Variants in ACAN observed in about 807,000 individuals in gnomAD.
ACAN encodes aggrecan core protein.
Under a neutral mutation model 169.1 loss-of-function variants are expected in ACAN, and 47 were observed. The ratio of observed to expected loss-of-function variants is 0.28; its 90% CI spans 0.22 to 0.35. The LOEUF is 0.35. Ranked by LOEUF, ACAN falls within the 10% of genes least tolerant of loss-of-function variation. The pLI, the probability that ACAN is intolerant of heterozygous loss-of-function variation, is 1.00. For synonymous variants in ACAN, 1,115 were observed against 1,112.2 expected (o/e 1.00, Z -0.05); for missense variants, 2,716 against 2,759.9 (o/e 0.98, Z 0.36).
intron 1 of ACAN, among the ~76,000 whole-genome samples, chr15:88,830,023 G>A (rs1896320300): frequency 6.6e-6 from 1 of 150,462 alleles, no homozygotes; most frequent in African/African-American, 2.4e-5. Flanking sequence ...GCCTGGTGAG[G>A]TTTCAGGGAG....
intron 1 of ACAN, among the ~76,000 whole-genome samples, chr15:88,815,980 T>G (rs567142957): frequency 6.6e-6 from 1 of 152,338 alleles, no homozygotes; most frequent in South Asian, 2.1e-4. Context: ...AAATCCTTCC[T>G]TGCCCCTTCC....
In ACAN at chr15:88,851,367, G is replaced by GGTGGTCGCC; in HGVS notation, c.2027-425_2027-424insGGTCGCCGT. On this transcript the variant is annotated intron_variant, in intron 10 of 18. Transcript: ENST00000560601. This position sits in a 1 kb window ranked among gnomAD's most constrained non-coding sequence, Gnocchi z 4.3. ...TTCAGTAGTTGAGAGCGTGGAGTCT[G>GGTGGTCGCC]GTACCAGATGCTTAAATTCAAAGAC... The GGTGGTCGCC allele has an allele frequency of 6.2e-6, 1 of 161,744 alleles. No individual in the cohort carries two copies. The allele number at this position is 161,744 out of a possible 1,614,324, so 10.0% of individuals were successfully genotyped here.
intron 1 of ACAN, among the ~76,000 whole-genome samples, chr15:88,817,715 A>G (rs913989997): frequency 4.6e-5 from 7 of 151,960 alleles, no homozygotes; most frequent in African/African-American, 1.7e-4. Context: ...TTAGCCAGGC[A>G]TAGTGGTGCA....
chr15:88,857,026 G>C lies in ACAN; in HGVS notation c.4441G>C (p.Val1481Leu), dbSNP rs1454267021. The change falls in exon 12 of 19, where the codon GTC becomes CTC. Residue 1481 changes from valine (V) to leucine (L), a missense_variant. Around this residue, in one of 3 missense-constraint regions of ACAN, gnomAD observed 1,389 missense variants for 1,363.7 expected, o/e 1.02. Transcript: ENST00000560601. ...TGGAGGAGAAGTTCTAGAGATTTCT[G>C]TCTCTGGAGTAGAGGACATCAGTGG... Reference protein sequence around the residue: ...PSGGEVLEISVSGVEDISGLP... With the variant: ...PSGGEVLEISLSGVEDISGLP... 6.2e-7 allele frequency: 1 copy of C among 1,613,446 alleles called. No individual in the cohort carries two copies. The highest frequency in any genetic ancestry group is 8.5e-7 in the Non-Finnish European group (1 of 1,179,528).
chr15:88,857,857 C>T lies in ACAN; in HGVS notation c.5272C>T (p.Leu1758=). 1 of 1,613,800 alleles carries T rather than the reference C, an allele frequency of 6.2e-7. No homozygotes were observed. The highest frequency in any genetic ancestry group is 8.5e-7 in the Non-Finnish European group (1 of 1,179,820). Reference sequence around the variant, plus strand: ...ATCTGGAGTGACTGAGCTTAGCGGGCTGTCCTCTGGACAACCAGGTATTAG... The same window carrying T: ...ATCTGGAGTGACTGAGCTTAGCGGGTTGTCCTCTGGACAACCAGGTATTAG... ...ETSGVTELSG[L]SSGQPGISGE... Residue 1758 remains leucine, a synonymous_variant, in exon 12 of 19, where the codon CTG becomes TTG. Transcript: ENST00000560601.
At chr15:88,825,590 G>A (rs17199220) in intron 1 of ACAN, among the ~76,000 whole-genome samples, 43,463 of 152,018 alleles carry the variant, frequency 0.29, 6,683 homozygotes, top group Non-Finnish European at 0.35. Context: ...ATAGAGACTG[G>A]GTCCAAAGTG....
intron 4 of ACAN, among the ~76,000 whole-genome samples, chr15:88,840,892 C>T (rs1394724759): frequency 6.6e-6 from 1 of 152,174 alleles, no homozygotes; most frequent in Non-Finnish European, 1.5e-5. Context: ...TGCCTGTAAT[C>T]CCAGCACTTT....
rs755969485 is a variant in ACAN at position 88,858,330 on chromosome 15, C to T, written c.5745C>T (p.Ser1915=). ...AATCCTCCAGAGCTGAGATTGGGAGCAGCCTGCCCTCGGGAGCATATTATG... is the reference window on the plus strand; with the variant it reads ...AATCCTCCAGAGCTGAGATTGGGAGTAGCCTGCCCTCGGGAGCATATTATG... The part of the protein sequence containing the change: ...SGESSRAEIG[S]SLPSGAYYGS... Residue 1915 remains serine, a synonymous_variant, in exon 12 of 19, where the codon AGC becomes AGT. Coordinates refer to ENST00000560601, the MANE Select transcript of ACAN (RefSeq NM_001369268.1). This position sits in a 1 kb window ranked among gnomAD's most constrained non-coding sequence, Gnocchi z 4.0. 1.9e-5 allele frequency: 30 copies of T among 1,613,840 alleles called. No individual in the cohort carries two copies. The highest frequency in any genetic ancestry group is 4.2e-6 in the Non-Finnish European group (5 of 1,179,906).
Position 88,859,295 on chromosome 15 carries a change from A to G in ACAN, c.6710A>G (p.Glu2237Gly), listed in dbSNP as rs1279121848. The G allele has an allele frequency of 6.2e-7, 1 of 1,613,220 alleles. No individual in the cohort carries two copies. The highest frequency in any genetic ancestry group is 1.3e-5 in the African/African-American group (1 of 75,024). Residue 2237 changes from glutamate to glycine, a missense_variant, in exon 12 of 19, where the codon GAG (glutamate) becomes GGG (glycine). Coordinates refer to ENST00000560601, the MANE Select transcript of ACAN (RefSeq NM_001369268.1). ...QRPAETHLEIESSSLLYSGEE... is the reference protein window; with the variant it reads ...QRPAETHLEIGSSSLLYSGEE... ...CCTGCAGAGACGCATCTAGAAATTG[A>G]GTCCTCAAGCCTCCTGTACTCAGGA...
At position 88,833,260 on chromosome 15, in the gene ACAN, T is replaced by C. The variant is rs183710087; in HGVS notation, c.-7-2940T>C. 5.1e-4 allele frequency among the ~76,000 whole-genome samples: 78 copies of C among 152,226 alleles called. No homozygotes were observed. In the Middle Eastern group the frequency reaches 0.014, roughly 27 times the overall value. On this transcript the variant is annotated intron_variant, in intron 1 of 18. Coordinates refer to ENST00000560601, the MANE Select transcript of ACAN (RefSeq NM_001369268.1). ...TCAGCTCAAGCTAAAAGCACCTCACTTTCCCCTACCAAATCTCCACATAAT... is the reference window on the plus strand; with the variant it reads ...TCAGCTCAAGCTAAAAGCACCTCACCTTCCCCTACCAAATCTCCACATAAT...
chr15:88,871,982 A>T lies in ACAN; in HGVS notation c.7220-21A>T, dbSNP rs1344090086. On this transcript the variant is annotated intron_variant, in intron 15 of 18. Transcript: ENST00000560601. This position sits in a 1 kb window ranked among gnomAD's most constrained non-coding sequence, Gnocchi z 7.8. ...CTCAGGGTGTCCAGTGTGATGCCTG[A>T]CACCCTCACCCTTTCCCCAGACAAT... 1 of 1,603,574 alleles carries T rather than the reference A, an allele frequency of 6.2e-7. No homozygotes were observed. The highest frequency in any genetic ancestry group is 1.3e-5 in the African/African-American group (1 of 74,778).
intron 1 of ACAN, among the ~76,000 whole-genome samples, chr15:88,832,329 G>A (rs1896385448): frequency 1.3e-5 from 2 of 151,630 alleles, no homozygotes; most frequent in African/African-American, 2.4e-5. Context: ...GACTAGAATG[G>A]CCAGGTACCA....
rs1596131361 is a variant in ACAN at position 88,839,563 on chromosome 15, C to G, written c.455-449C>G. 1.3e-5 allele frequency among the ~76,000 whole-genome samples: 2 copies of G among 152,322 alleles called. No homozygotes were observed. The highest frequency in any genetic ancestry group is 2.9e-5 in the Non-Finnish European group (2 of 68,028). On this transcript the variant is annotated intron_variant, in intron 3 of 18. Transcript: ENST00000560601. The surrounding 1 kb of genome is among the most constrained non-coding windows in gnomAD (Gnocchi z 4.5). ...GGACTTTGGTCAACACCAGATTTTT[C>G]CCAGGGGGAGGTACAGTGGGAGACT...
At chr15:88,816,803 C>A (rs1425017917) in intron 1 of ACAN, among the ~76,000 whole-genome samples, 1 of 152,220 alleles carries the variant, frequency 6.6e-6, no homozygotes, top group East Asian at 1.9e-4. Context: ...TTTCAACGCA[C>A]CATGCCCAAG....
rs1388441444 is a variant in ACAN, at chr15:88,838,183, A to G, written c.71-480A>G. On this transcript the variant is annotated intron_variant, in intron 2 of 18. Transcript: ENST00000560601. The surrounding 1 kb of genome is among the most constrained non-coding windows in gnomAD (Gnocchi z 5.1). The stretch of plus-strand genomic sequence containing the variant: ...AAATCAGGCTCGCACCCAAAAGCAG[A>G]CCTCCCCAAATGGGACACATCTTAG... Among the ~76,000 whole-genome samples, 1 of 151,580 alleles carries G rather than the reference A, an allele frequency of 6.6e-6. No individual in the cohort carries two copies. The highest frequency in any genetic ancestry group is 1.5e-5 in the Non-Finnish European group (1 of 67,850).
rs138923098 is a variant in ACAN at position 88,822,576 on chromosome 15, C to G, written c.-7-13624C>G. 5.9e-3 allele frequency among the ~76,000 whole-genome samples: 891 copies of G among 152,112 alleles called. 7 individuals carry two copies. The highest frequency in any genetic ancestry group is 0.02 in the African/African-American group (831 of 41,482). On this transcript the variant is annotated intron_variant, in intron 1 of 18. Coordinates refer to ENST00000560601, the MANE Select transcript of ACAN (RefSeq NM_001369268.1). ...CCGCCTCCCAGGTTCAAGCAATTCT[C>G]CTGCCTCAGCCACCATGCCTGGCTA... is the stretch of plus-strand genomic sequence containing the variant.
rs759370137 is a variant in ACAN at position 88,873,927 on chromosome 15, G to C, written c.7533G>C (p.Arg2511=). 5 of 1,613,762 alleles carry C rather than the reference G, an allele frequency of 3.1e-6. No individual in the cohort carries two copies. In the South Asian group the frequency reaches 5.5e-5, roughly 18 times the overall value. Residue 2511 remains arginine, a synonymous_variant, in exon 18 of 19, where the codon CGG becomes CGC. Coordinates refer to ENST00000560601, the MANE Select transcript of ACAN (RefSeq NM_001369268.1). The surrounding 1 kb of genome is among the most constrained non-coding windows in gnomAD (Gnocchi z 7.5). ...KDRYEINSLV[R]YQCTEGFVQR... ...GGTATGAGATCAATTCCCTGGTGCG[G>C]TACCAGTGCACAGAGGGGTTTGTCC... is the stretch of plus-strand genomic sequence containing the variant.
At chr15:88,847,771 G>A (rs1469424914) in intron 8 of ACAN, 140 bp from the exon 9 acceptor site, 6 of 1,136,536 alleles carry the variant, frequency 5.3e-6, no homozygotes, top group African/African-American at 1.6e-5. Flanking sequence ...CTGCATAAGG[G>A]GCTTTTTCCT....
intron 1 of ACAN, among the ~76,000 whole-genome samples, chr15:88,830,582 C>T (rs1896334184): frequency 6.6e-6 from 1 of 151,722 alleles, no homozygotes; most frequent in South Asian, 2.1e-4. Context: ...AAATACTTGC[C>T]TTTGTGTATA....
Sources: gnomAD v4.1 joint callset for allele counts (sites outside exome capture counted in the v4.1 genomes callset) on GRCh38, gnomAD v4.1.1 for gene constraint, gnomAD v4.1.1 regional missense constraint, Gnocchi (gnomAD v3.1) non-coding constraint, MANE v1.5 for transcripts, NCBI Gene and HGNC (gene_info 2026-07-23, HGNC 2026-07-21) for gene names.